TNR: variants seen among roughly 807,000 people sequenced by gnomAD.
TNR encodes tenascin-R.
TNR carries 45 observed loss-of-function variants against 150.4 expected under a neutral mutation model. The observed-to-expected ratio is 0.30, with a 90% confidence interval of 0.24 to 0.38. The LOEUF (loss-of-function observed/expected upper bound fraction) is 0.38, where lower values mean the gene tolerates loss of function less well. Among genes scored for constraint, TNR ranks in the 10% least tolerant of loss-of-function variants. The pLI, the probability that TNR is intolerant of heterozygous loss-of-function variation, is 1.00. For missense variants in TNR, 1,544 were observed against 1,759.1 expected, an observed-to-expected ratio of 0.88 and a Z score of 2.19; for synonymous variants, 687 against 678.4, an observed-to-expected ratio of 1.01 and a Z score of -0.20.
chr1:175,644,174 A>G (rs1664745881), intron 1 of TNR, among the ~76,000 whole-genome samples: 1 of 152,228 alleles, frequency 6.6e-6, no homozygotes, highest in Admixed American at 6.5e-5. Context: ...ATGTTACCCC[A>G]CAGGGTCAGT....
rs987987324 is a variant in TNR, at chr1:175,318,240, C to G, written c.*5117G>C. ...GAGAAGCCAATGCTGCTTCCTCTCCCATGGCCGCTCCTGCCTTGTCTCTGC... is the reference window on the plus strand; with the variant it reads ...GAGAAGCCAATGCTGCTTCCTCTCCGATGGCCGCTCCTGCCTTGTCTCTGC... On this transcript the variant is annotated 3_prime_UTR_variant, in exon 23 of 23. Transcript: ENST00000367674. 4 of 152,250 alleles carry G rather than the reference C, an allele frequency of 2.6e-5. No homozygotes were observed. Among genetic ancestry groups the G allele is most frequent in the African/African-American group, 9.6e-5 (4 of 41,464 alleles). The allele number at this position is 152,250 out of a possible 1,614,324, so 9.4% of individuals were successfully genotyped here.
At chr1:175,732,732 G>T (rs1461365632) in intron 1 of TNR, among the ~76,000 whole-genome samples, 2 of 152,196 alleles carry the variant, frequency 1.3e-5, no homozygotes, top group African/African-American at 4.8e-5. Flanking sequence ...TTCTGGCTCT[G>T]CCATTTGTCA....
chr1:175,433,047 T>C (rs1396167117), intron 2 of TNR, among the ~76,000 whole-genome samples: 1 of 152,178 alleles, frequency 6.6e-6, no homozygotes, highest in East Asian at 1.9e-4. Flanking sequence ...ATGGGCATGA[T>C]GGCTGGAGCT....
In TNR at chr1:175,546,550, G is replaced by A. The variant is rs370110942; in HGVS notation, c.-164-18181C>T. 9.9e-4 allele frequency among the ~76,000 whole-genome samples: 151 copies of A among 152,336 alleles called. 1 individual carries two copies. The highest frequency in any genetic ancestry group is 3.4e-3 in the African/African-American group (141 of 41,588). On this transcript the variant is annotated intron_variant, in intron 1 of 22. Coordinates refer to ENST00000367674, the MANE Select transcript of TNR (RefSeq NM_003285.3). ...GCAGGGAGGCCACGAGGGCAGAGTTGCTTTTCAGCGCTCAAAGCTGGAGAA... is the reference window on the plus strand; with the variant it reads ...GCAGGGAGGCCACGAGGGCAGAGTTACTTTTCAGCGCTCAAAGCTGGAGAA...
intron 1 of TNR, among the ~76,000 whole-genome samples, chr1:175,665,395 G>C (rs953674364): frequency 6.6e-6 from 1 of 152,190 alleles, no homozygotes; most frequent in African/African-American, 2.4e-5. Context: ...GACTGCTGTG[G>C]TGCTCCCTGG....
At chr1:175,507,925 T>A (rs1343285029) in intron 2 of TNR, among the ~76,000 whole-genome samples, 1 of 152,222 alleles carries the variant, frequency 6.6e-6, no homozygotes, top group Non-Finnish European at 1.5e-5. Context: ...TATCTTTGTT[T>A]TTTCTCCTTT....
In TNR at chr1:175,366,061, C is replaced by A. The variant is rs1373146258; in HGVS notation, c.2131G>T (p.Gly711Cys). The part of the protein sequence containing the change: ...SISLIWTKAS[G>C]PIDHYRITFT... ...GTAATTCGGTAGTGGTCAATGGGGCCACTGGCCTTGGTCCAGATGAGGGAG... is the reference window on the plus strand; with the variant it reads ...GTAATTCGGTAGTGGTCAATGGGGCAACTGGCCTTGGTCCAGATGAGGGAG... Residue 711 changes from glycine to cysteine, a missense_variant, in exon 11 of 23, where the codon GGC becomes TGC. By Grantham distance (159) the Gly-to-Cys change is radical (BLOSUM62 -3). Transcript: ENST00000367674. 1.2e-6 allele frequency: 2 copies of A among 1,614,010 alleles called. No individual in the cohort carries two copies. The highest frequency in any genetic ancestry group is 4.5e-5 in the East Asian group (2 of 44,866).
intron 2 of TNR, among the ~76,000 whole-genome samples, chr1:175,424,809 A>C (rs1654899723): frequency 6.6e-6 from 1 of 152,146 alleles, no homozygotes; most frequent in African/African-American, 2.4e-5. Flanking sequence ...GCTGGAACGG[A>C]CAGTGGCCAA....
At chr1:175,458,447 G>A (rs1205155312) in intron 2 of TNR, among the ~76,000 whole-genome samples, 1 of 152,166 alleles carries the variant, frequency 6.6e-6, no homozygotes, top group African/African-American at 2.4e-5. Flanking sequence ...ATATACACAA[G>A]CTAAAATAAA....
chr1:175,479,489 C>A lies in TNR; in HGVS notation c.-64+48780G>T, dbSNP rs146326062. Among the ~76,000 whole-genome samples the A allele has an allele frequency of 7.2e-5, 11 of 152,276 alleles. No homozygotes were observed. In the East Asian group the frequency reaches 2.1e-3, roughly 29 times the overall value. On this transcript the variant is annotated intron_variant, in intron 2 of 22. Coordinates refer to ENST00000367674, the MANE Select transcript of TNR (RefSeq NM_003285.3). The stretch of plus-strand genomic sequence containing the variant: ...GGTAGACTTCACCTTGTTCTCCTCC[C>A]TAGGGATTTTAATCCTGGTGACCTA...
At chr1:175,742,849 C>T (rs570847001) in intron 1 of TNR, among the ~76,000 whole-genome samples, 1 of 152,020 alleles carries the variant, frequency 6.6e-6, no homozygotes, top group Admixed American at 6.5e-5. Flanking sequence ...AGAAGGTGCA[C>T]GACTAATTCC....
chr1:175,507,412 C>G (rs1030203152), intron 2 of TNR, among the ~76,000 whole-genome samples: 10 of 152,178 alleles, frequency 6.6e-5, no homozygotes, highest in African/African-American at 2.4e-4. Context: ...CTAATGATAA[C>G]TGAACACTCC....
chr1:175,718,672 C>A (rs564596977), intron 1 of TNR, among the ~76,000 whole-genome samples: 184 of 152,290 alleles, frequency 1.2e-3, no homozygotes, highest in African/African-American at 4.3e-3. Context: ...GACCGCATAA[C>A]CCTGAGGGGT....
At chr1:175,575,712 T>C (rs954900306) in intron 1 of TNR, among the ~76,000 whole-genome samples, 1 of 152,086 alleles carries the variant, frequency 6.6e-6, no homozygotes, top group South Asian at 2.1e-4. Context: ...TAGACAGCAG[T>C]GGATAGAGCA....
intron 21 of TNR, among the ~76,000 whole-genome samples, chr1:175,325,653 T>A (rs1571287069): frequency 6.6e-6 from 1 of 151,988 alleles, no homozygotes; most frequent in East Asian, 1.9e-4. Flanking sequence ...ATAAAGAAAA[T>A]GTGGCACATC....
chr1:175,400,489 G>T (rs1047319063), intron 4 of TNR, among the ~76,000 whole-genome samples: 1 of 152,146 alleles, frequency 6.6e-6, no homozygotes, highest in Non-Finnish European at 1.5e-5. Flanking sequence ...GCAGAGAATG[G>T]AGGCAGAAGT....
At chr1:175,507,101 G>A (rs1658986459) in intron 2 of TNR, among the ~76,000 whole-genome samples, 1 of 152,184 alleles carries the variant, frequency 6.6e-6, no homozygotes, top group African/African-American at 2.4e-5. Flanking sequence ...TGTTTGCAAA[G>A]CCCTTGCCAG....
chr1:175,589,575 A>T (rs1662713607), intron 1 of TNR, among the ~76,000 whole-genome samples: 1 of 152,246 alleles, frequency 6.6e-6, no homozygotes, highest in Non-Finnish European at 1.5e-5. Context: ...AACAGGTAGG[A>T]TGAACAAAAT....
At chr1:175,418,710 G>A (rs904109859) in intron 2 of TNR, among the ~76,000 whole-genome samples, 10 of 145,490 alleles carry the variant, frequency 6.9e-5, no homozygotes, top group Admixed American at 2.0e-4. Flanking sequence ...GTGACAGAGC[G>A]AGAGAGAGAG....
Sources: allele counts gnomAD v4.1 joint callset (sites outside exome capture counted in the v4.1 genomes callset), GRCh38; gene constraint gnomAD v4.1.1; transcripts MANE v1.5; gene names NCBI Gene and HGNC (gene_info 2026-07-23, HGNC 2026-07-21).